Variants in OR2L13 observed in about 807,000 individuals in gnomAD.
The protein encoded by OR2L13 is olfactory receptor family 2 subfamily L member 13.
Under a neutral mutation model 15.3 loss-of-function variants are expected in OR2L13, and 14 were observed. The observed-to-expected ratio is 0.91, with a 90% CI of 0.60 to 1.43. The LOEUF (loss-of-function observed/expected upper bound fraction) is 1.43. OR2L13 is among the 40% of genes most tolerant of loss of function. The pLI is 0.00. For synonymous variants in OR2L13, 152 were observed against 142.9 expected (o/e 1.06, Z -0.45); for missense variants, 367 against 387.9 (o/e 0.95, Z 0.45).
the OR2L13 span, among the ~76,000 whole-genome samples, chr1:248,048,800 C>G: frequency 2.6e-5 from 4 of 152,158 alleles, no homozygotes; most frequent in Admixed American, 2.6e-4. Context: ...TTCTGGAAAA[C>G]TCCATAAAGA....
the OR2L13 span, among the ~76,000 whole-genome samples, chr1:247,969,708 CT>C: frequency 1.3e-5 from 2 of 152,096 alleles, no homozygotes; most frequent in African/African-American, 2.4e-5. Context: ...ATTTGGTAAT[CT>C]TTTTTCTCCT....
chr1:247,949,837 C>T, the OR2L13 span: 2 of 1,490,454 alleles, frequency 1.3e-6, no homozygotes, highest in Non-Finnish European at 1.8e-6. Context: ...AGATACACAT[C>T]CATTCAGCAG....
At chr1:248,030,032 A>C in the OR2L13 span, 2 of 152,148 alleles carry the variant, frequency 1.3e-5, no homozygotes, top group Non-Finnish European at 2.9e-5. Flanking sequence ...CTCCAGCTAA[A>C]AAGGACTGGA....
At chr1:248,022,417 C>A in the OR2L13 span, 1 of 1,614,034 alleles carries the variant, frequency 6.2e-7, no homozygotes, top group Non-Finnish European at 8.5e-7. Flanking sequence ...AACTCTTGTG[C>A]TCACACAGTA....
chr1:248,098,327 T>G (rs1664777991), intron 1 of OR2L13, among the ~76,000 whole-genome samples: 1 of 152,194 alleles, frequency 6.6e-6, no homozygotes, highest in Non-Finnish European at 1.5e-5. Context: ...GAACACTATT[T>G]GAGGAAATGA....
At chr1:248,064,549 A>G in the OR2L13 span, among the ~76,000 whole-genome samples, 1 of 152,186 alleles carries the variant, frequency 6.6e-6, no homozygotes. Flanking sequence ...GTTAGTTGTT[A>G]TTACTGGAAA....
At chr1:247,993,809 G>GAGAGAGAGAGAGAGAA in the OR2L13 span, among the ~76,000 whole-genome samples, 5 of 132,982 alleles carry the variant, frequency 3.8e-5, no homozygotes, top group Non-Finnish European at 7.5e-5. Flanking sequence ...GAGAGAGAGA[G>GAGAGAGAGAGAGAGAA]AGAAAGAAAG....
the OR2L13 span, among the ~76,000 whole-genome samples, chr1:248,029,821 A>T: frequency 2.1e-4 from 32 of 152,356 alleles, no homozygotes; most frequent in South Asian, 6.6e-3. Flanking sequence ...AAACATTGAC[A>T]TAATGTGAAT....
chr1:248,006,378 C>T, the OR2L13 span, among the ~76,000 whole-genome samples: 1 of 151,810 alleles, frequency 6.6e-6, no homozygotes, highest in Non-Finnish European at 1.5e-5. Flanking sequence ...AAACTGCATG[C>T]ATTCTGCCAA....
At chr1:247,992,670 C>T in the OR2L13 span, among the ~76,000 whole-genome samples, 1 of 152,152 alleles carries the variant, frequency 6.6e-6, no homozygotes, top group African/African-American at 2.4e-5. Flanking sequence ...ATTATGGCCC[C>T]CAGCTCTATC....
chr1:248,089,154 G>T, the OR2L13 span, among the ~76,000 whole-genome samples: 1 of 152,094 alleles, frequency 6.6e-6, no homozygotes, highest in East Asian at 1.9e-4. Flanking sequence ...TATATAACTG[G>T]CTGGAACGAA....
chr1:248,022,571 T>C, the OR2L13 span: 3 of 1,614,194 alleles, frequency 1.9e-6, no homozygotes, highest in Non-Finnish European at 1.7e-6. Flanking sequence ...TTCTTGTGTT[T>C]CCCTTCACTG....
the OR2L13 span, among the ~76,000 whole-genome samples, chr1:248,027,521 C>A: frequency 7.9e-5 from 12 of 152,218 alleles, no homozygotes; most frequent in South Asian, 2.5e-3. Flanking sequence ...GGGGGCACCA[C>A]GGAACCTGCC....
chr1:248,100,169 G>A (rs45577033), exon 3 of OR2L13: 40,570 of 1,613,750 alleles, frequency 0.025, 584 homozygotes, highest in Non-Finnish European at 0.03. Flanking sequence ...AGGAATCTCC[G>A]CTCACCAGCT....
At chr1:248,031,796 AG>A in the OR2L13 span, among the ~76,000 whole-genome samples, 3 of 152,164 alleles carry the variant, frequency 2.0e-5, no homozygotes, top group African/African-American at 7.2e-5. Flanking sequence ...AGTAAGAGGT[AG>A]GGGGAGATCG....
chr1:247,996,152 T>G, the OR2L13 span, among the ~76,000 whole-genome samples: 1 of 152,200 alleles, frequency 6.6e-6, no homozygotes, highest in East Asian at 1.9e-4. Context: ...CTTCTACTGT[T>G]TTGGTGTTTT....
At chr1:248,077,916 C>T in the OR2L13 span, among the ~76,000 whole-genome samples, 4 of 151,916 alleles carry the variant, frequency 2.6e-5, no homozygotes, top group Non-Finnish European at 5.9e-5. Context: ...GTGACAAAGG[C>T]CTATTCTCTA....
At chr1:247,966,123 C>T in the OR2L13 span, 1 of 1,614,148 alleles carries the variant, frequency 6.2e-7, no homozygotes, top group Non-Finnish European at 8.5e-7. Context: ...TTGTGGCAAG[C>T]CTGTTCTATG....
the OR2L13 span, among the ~76,000 whole-genome samples, chr1:248,081,706 T>C: frequency 6.6e-6 from 1 of 152,170 alleles, no homozygotes; most frequent in Non-Finnish European, 1.5e-5. Context: ...AAACTTTTAG[T>C]CTTAAACAAA....
Sources: allele counts gnomAD v4.1 joint callset (sites outside exome capture counted in the v4.1 genomes callset), GRCh38; gene constraint gnomAD v4.1.1; transcripts MANE v1.5; gene names NCBI Gene and HGNC (gene_info 2026-07-23, HGNC 2026-07-21).